SV2B: variants seen among roughly 807,000 people sequenced by gnomAD.
The protein encoded by SV2B is solute carrier family 22 member B2.
SV2B carries 41 observed loss-of-function variants against 73.9 expected under a neutral mutation model. That is an observed-to-expected ratio of 0.56 (90% CI 0.43 to 0.72). SV2B has a LOEUF of 0.72. Among genes scored for constraint, SV2B ranks in the 30% least tolerant of loss-of-function variants. The pLI is 0.00. For synonymous variants in SV2B, 314 were observed against 314.2 expected (o/e 1.00, Z 0.01); for missense variants, 764 against 857.8 (o/e 0.89, Z 1.37).
Position 91,220,242 on chromosome 15 carries a change from T to TTCA in SV2B, c.-391-5627_-391-5625dup, listed in dbSNP as rs2046169966. ...CACTGTCAGTTTCTGAGGGTTCCAG[T>TTCA]TCATCACATTCTAGCCAACACTTGC... is the stretch of plus-strand genomic sequence containing the variant. On this transcript the variant is annotated intron_variant, in intron 1 of 12. Transcript: ENST00000394232. This position sits in a 1 kb window ranked among gnomAD's most constrained non-coding sequence, Gnocchi z 4.1. 6.6e-6 allele frequency among the ~76,000 whole-genome samples: 1 copy of TTCA among 152,232 alleles called. No homozygotes were observed. The highest frequency in any genetic ancestry group is 2.1e-4 in the South Asian group (1 of 4,830).
intron 1 of SV2B, among the ~76,000 whole-genome samples, chr15:91,178,250 T>C (rs1473367153): frequency 4.0e-5 from 6 of 151,512 alleles, no homozygotes; most frequent in Non-Finnish European, 8.8e-5. Flanking sequence ...GCCCACTTGA[T>C]CATGGTGGAT....
rs1372663862 is a variant in SV2B, at chr15:91,284,656, T to G, written c.1708+435T>G. Among the ~76,000 whole-genome samples the G allele has an allele frequency of 1.3e-5, 2 of 152,146 alleles. No homozygotes were observed. The highest frequency in any genetic ancestry group is 4.8e-5 in the African/African-American group (2 of 41,420). ...CTTTAGGCTTTGGAGTTGGACAGAG[T>G]CATGTTGAAATCCTATCACCGAAAG... On this transcript the variant is annotated intron_variant, in intron 11 of 12. Coordinates refer to ENST00000394232, the MANE Select transcript of SV2B (RefSeq NM_001323032.3). This position sits in a 1 kb window ranked among gnomAD's most constrained non-coding sequence, Gnocchi z 4.5.
intron 1 of SV2B, among the ~76,000 whole-genome samples, chr15:91,146,819 A>T (rs1567290195): frequency 6.6e-6 from 1 of 152,234 alleles, no homozygotes; most frequent in Non-Finnish European, 1.5e-5. Flanking sequence ...GTCCAATGAC[A>T]TTAGTCAGAC....
intron 1 of SV2B, among the ~76,000 whole-genome samples, chr15:91,173,902 T>A (rs1430823459): frequency 6.6e-6 from 1 of 152,218 alleles, no homozygotes; most frequent in Non-Finnish European, 1.5e-5. Context: ...CTTTGATGCC[T>A]TTTTCTTCTC....
At chr15:91,153,683 G>A (rs139702826) in intron 1 of SV2B, among the ~76,000 whole-genome samples, 2 of 152,214 alleles carry the variant, frequency 1.3e-5, no homozygotes, top group East Asian at 1.9e-4. Context: ...TCACATCTGG[G>A]TCACAAAGGA....
intron 1 of SV2B, among the ~76,000 whole-genome samples, chr15:91,158,633 C>CCTCTTCTCTTCTCTTCTATTCTCTT (rs2043574543): frequency 1.8e-5 from 1 of 54,414 alleles, no homozygotes; most frequent in Admixed American, 1.9e-4. Flanking sequence ...TTTTATTTTC[C>CCTCTTCTCTTCTCTTCTATTCTCTT]CTCTTCTCTT....
chr15:91,260,571 A>C (rs2047874190), intron 6 of SV2B, among the ~76,000 whole-genome samples, 162 bp downstream of exon 6: 1 of 152,202 alleles, frequency 6.6e-6, no homozygotes, highest in Non-Finnish European at 1.5e-5. Context: ...ATTTTGATGG[A>C]TATCCTTTGA....
At chr15:91,178,624 A>G (rs1292160946) in intron 1 of SV2B, among the ~76,000 whole-genome samples, 2 of 151,678 alleles carry the variant, frequency 1.3e-5, no homozygotes, top group African/African-American at 4.8e-5. Context: ...GTCTTGGGAG[A>G]GTGTGTGTGT....
rs1486547403 is a variant in SV2B at position 91,223,157 on chromosome 15, A to G, written c.-391-2716A>G. On this transcript the variant is annotated intron_variant, in intron 1 of 12. Transcript: ENST00000394232. This position sits in a 1 kb window ranked among gnomAD's most constrained non-coding sequence, Gnocchi z 4.6. ...TGTCTCTGTGTCCTTTTGTGAAGACACCAGTCATATTGGATTAGGAGCCAT... is the reference window on the plus strand; with the variant it reads ...TGTCTCTGTGTCCTTTTGTGAAGACGCCAGTCATATTGGATTAGGAGCCAT... Among the ~76,000 whole-genome samples, 1 of 152,118 alleles carries G rather than the reference A, an allele frequency of 6.6e-6. No individual in the cohort carries two copies. Among genetic ancestry groups the G allele is most frequent in the Non-Finnish European group, 1.5e-5 (1 of 68,020 alleles).
intron 2 of SV2B, among the ~76,000 whole-genome samples, chr15:91,230,459 C>T (rs889278847): frequency 6.6e-6 from 1 of 152,070 alleles, no homozygotes; most frequent in Non-Finnish European, 1.5e-5. Flanking sequence ...GGCCAGGTGA[C>T]AAAAATATCT....
At chr15:91,196,463 G>A (rs1028306276) in intron 1 of SV2B, among the ~76,000 whole-genome samples, 4 of 152,318 alleles carry the variant, frequency 2.6e-5, no homozygotes, top group African/African-American at 9.6e-5. Flanking sequence ...TAGGCTAATT[G>A]GACACCCCTT....
At chr15:91,108,371 T>C (rs879549587) in intron 1 of SV2B, among the ~76,000 whole-genome samples, 2 of 152,204 alleles carry the variant, frequency 1.3e-5, no homozygotes, top group Non-Finnish European at 2.9e-5. Context: ...TGGAATTCCA[T>C]AATGAAAATT....
chr15:91,108,457 A>G (rs2041949416), intron 1 of SV2B, among the ~76,000 whole-genome samples: 1 of 152,218 alleles, frequency 6.6e-6, no homozygotes, highest in Non-Finnish European at 1.5e-5. Context: ...AATCCACTGC[A>G]TGGTGTTCTT....
chr15:91,172,414 C>T (rs1186843296), intron 1 of SV2B, among the ~76,000 whole-genome samples: 1 of 152,232 alleles, frequency 6.6e-6, no homozygotes, highest in Non-Finnish European at 1.5e-5. Context: ...ATACAGAAGA[C>T]ACAGCTCAGC....
chr15:91,271,002 GGGAGGACGGTGAGTCCTGTGGATGATC>G (rs2048292330), intron 9 of SV2B, among the ~76,000 whole-genome samples: 1 of 150,470 alleles, frequency 6.6e-6, no homozygotes, highest in Non-Finnish European at 1.5e-5. Flanking sequence ...TGTGGATGAT[GGGAGGACGGTGAGTCCTGTGGATGATC>G]GGAGGACGGT....
chr15:91,127,457 C>T (rs1445996086), intron 1 of SV2B, among the ~76,000 whole-genome samples: 1 of 152,002 alleles, frequency 6.6e-6, no homozygotes, highest in East Asian at 1.9e-4. Flanking sequence ...GTTCTCCAAG[C>T]CCCCGCACTG....
chr15:91,262,321 C>G (rs1295753215), intron 6 of SV2B, among the ~76,000 whole-genome samples: 1 of 152,112 alleles, frequency 6.6e-6, no homozygotes, highest in Non-Finnish European at 1.5e-5. Context: ...CAGACGTTAA[C>G]CATTATTTAA....
At chr15:91,275,386 G>A (rs1036515214) in intron 9 of SV2B, among the ~76,000 whole-genome samples, 8 of 152,134 alleles carry the variant, frequency 5.3e-5, no homozygotes, top group African/African-American at 1.9e-4. Flanking sequence ...TAGTGTAAGA[G>A]CCTTACAACA....
intron 1 of SV2B, among the ~76,000 whole-genome samples, chr15:91,175,318 G>A (rs1357279820): frequency 6.6e-6 from 1 of 151,706 alleles, no homozygotes; most frequent in Non-Finnish European, 1.5e-5. Context: ...GCAAGGGCAC[G>A]ATCTCGGCTT....
Sources: allele counts gnomAD v4.1 joint callset (sites outside exome capture counted in the v4.1 genomes callset), GRCh38; gene constraint gnomAD v4.1.1; non-coding constraint Gnocchi (gnomAD v3.1); transcripts MANE v1.5; gene names NCBI Gene and HGNC (gene_info 2026-07-23, HGNC 2026-07-21).